PPP4R4: variants seen among roughly 807,000 people sequenced by gnomAD.
PPP4R4 encodes serine/threonine-protein phosphatase 4 regulatory subunit 4.
PPP4R4 carries 70 observed loss-of-function variants against 121.8 expected under a neutral mutation model. That is an observed-to-expected ratio of 0.57 (90% confidence interval 0.47 to 0.70). PPP4R4 has a LOEUF of 0.70. Ranked by LOEUF, PPP4R4 falls within the 30% of genes least tolerant of loss-of-function variation. The pLI is 0.00. For synonymous variants in PPP4R4, 348 were observed against 355.7 expected (o/e 0.98, Z 0.24); for missense variants, 875 against 1,033.6 (o/e 0.85, Z 2.10).
At chr14:94,184,038 G>A (rs1475603784) in intron 2 of PPP4R4, among the ~76,000 whole-genome samples, 1 of 152,052 alleles carries the variant, frequency 6.6e-6, no homozygotes, top group East Asian at 1.9e-4. Context: ...TTATTTTCAT[G>A]AGCAATTAAT....
At chr14:94,186,020 A>G (rs1289507823) in intron 2 of PPP4R4, among the ~76,000 whole-genome samples, 1 of 152,184 alleles carries the variant, frequency 6.6e-6, no homozygotes, top group African/African-American at 2.4e-5. Flanking sequence ...CCTGTTCTGG[A>G]ATCTAGCCAT....
chr14:94,206,012 A>G (rs530190362), intron 2 of PPP4R4, among the ~76,000 whole-genome samples: 43 of 152,088 alleles, frequency 2.8e-4, no homozygotes, highest in Admixed American at 1.6e-3. Context: ...GAGTTCTTCT[A>G]TATCTTTGCT....
At chr14:94,196,752 A>G (rs1190410181) in intron 2 of PPP4R4, among the ~76,000 whole-genome samples, 2 of 151,740 alleles carry the variant, frequency 1.3e-5, no homozygotes, top group South Asian at 2.1e-4. Flanking sequence ...CCTGAGTTCT[A>G]TCACTTCATT....
intron 9 of PPP4R4, 115 bp downstream of exon 9, chr14:94,240,910 A>T: frequency 3.2e-6 from 4 of 1,252,454 alleles, no homozygotes; most frequent in Non-Finnish European, 4.1e-6. Flanking sequence ...TTAAGTATAT[A>T]AAAATCTTAT....
chr14:94,174,668 AC>A (rs2139360648), intron 1 of PPP4R4, 86 bp downstream of exon 1: 1 of 1,401,678 alleles, frequency 7.1e-7, no homozygotes, highest in African/African-American at 1.9e-5. Context: ...CCACGCCACC[AC>A]CCTCCCCTCC....
intron 3 of PPP4R4, among the ~76,000 whole-genome samples, chr14:94,225,108 T>C (rs867043944): frequency 5.9e-5 from 9 of 152,264 alleles, no homozygotes; most frequent in Middle Eastern, 3.4e-3. Flanking sequence ...GTTAATCTCA[T>C]TCTAAGATTA....
At chr14:94,258,909 AG>A in intron 18 of PPP4R4, 85 bp downstream of exon 18, 1 of 1,260,604 alleles carries the variant, frequency 7.9e-7, no homozygotes. Context: ...AATTTACAAA[AG>A]AAAGAGGTTT....
intron 23 of PPP4R4, among the ~76,000 whole-genome samples, chr14:94,269,698 C>A (rs1894226974): frequency 6.6e-6 from 1 of 151,146 alleles, no homozygotes; most frequent in Non-Finnish European, 1.5e-5. Flanking sequence ...AACAAACAAA[C>A]AAAACTGTAA....
At position 94,257,378 on chromosome 14, in the gene PPP4R4, G is replaced by A. The variant is rs1467433458; in HGVS notation, c.2010+774G>A. 2.6e-5 allele frequency among the ~76,000 whole-genome samples: 4 copies of A among 152,000 alleles called. No homozygotes were observed. In the East Asian group the frequency reaches 5.8e-4, roughly 22 times the overall value. On this transcript the variant is annotated intron_variant, in intron 17 of 24. Transcript: ENST00000304338. ...CTGAATATAAACTTCAGGACACATT[G>A]TTTTTGAGCATTTATTTATAGTGAG...
At chr14:94,183,538 T>A (rs1218945267) in intron 2 of PPP4R4, among the ~76,000 whole-genome samples, 2 of 152,242 alleles carry the variant, frequency 1.3e-5, no homozygotes, top group East Asian at 1.9e-4. Flanking sequence ...CTCTGTTTCC[T>A]TGTCTTTTGT....
intron 2 of PPP4R4, among the ~76,000 whole-genome samples, chr14:94,186,268 G>GA (rs1405621612): frequency 6.6e-6 from 1 of 152,052 alleles, no homozygotes; most frequent in African/African-American, 2.4e-5. Context: ...TCCCTCCCGT[G>GA]AGCCCCTTCC....
At chr14:94,186,602 C>T (rs1366857694) in intron 2 of PPP4R4, among the ~76,000 whole-genome samples, 1 of 152,180 alleles carries the variant, frequency 6.6e-6, no homozygotes, top group Non-Finnish European at 1.5e-5. Flanking sequence ...TGCTTTCCTT[C>T]CTCTCTGGTA....
At chr14:94,222,888 CT>C (rs1408377108) in intron 3 of PPP4R4, among the ~76,000 whole-genome samples, 1 of 152,038 alleles carries the variant, frequency 6.6e-6, no homozygotes, top group East Asian at 1.9e-4. Flanking sequence ...TATATTAGAT[CT>C]TTTAATAGTA....
At chr14:94,216,856 G>A (rs996759695) in intron 3 of PPP4R4, among the ~76,000 whole-genome samples, 6 of 152,150 alleles carry the variant, frequency 3.9e-5, no homozygotes, top group African/African-American at 1.4e-4. Flanking sequence ...ACTTCTGGGA[G>A]AAAGGTGGGA....
At chr14:94,221,754 T>C (rs1891408018) in intron 3 of PPP4R4, among the ~76,000 whole-genome samples, 1 of 152,106 alleles carries the variant, frequency 6.6e-6, no homozygotes, top group Non-Finnish European at 1.5e-5. Flanking sequence ...CTTACACTGT[T>C]GGTGGGAATA....
chr14:94,215,761 A>G (rs1174984653), intron 3 of PPP4R4, among the ~76,000 whole-genome samples: 1 of 152,214 alleles, frequency 6.6e-6, no homozygotes, highest in Non-Finnish European at 1.5e-5. Context: ...CAGCTTAAAA[A>G]ATAAAGGTAC....
chr14:94,199,832 C>T (rs891950720), intron 2 of PPP4R4, among the ~76,000 whole-genome samples: 2 of 152,148 alleles, frequency 1.3e-5, no homozygotes, highest in Non-Finnish European at 2.9e-5. Context: ...CATCTAGCTG[C>T]GTGTGTTTTC....
chr14:94,194,059 GT>G (rs901057015), intron 2 of PPP4R4, among the ~76,000 whole-genome samples: 145 of 152,312 alleles, frequency 9.5e-4, no homozygotes, highest in African/African-American at 3.3e-3. Context: ...GAATACTTCA[GT>G]GGATTGACTT....
chr14:94,258,410 A>G (rs952079093), intron 17 of PPP4R4, among the ~76,000 whole-genome samples: 16 of 152,228 alleles, frequency 1.1e-4, no homozygotes, highest in Non-Finnish European at 1.8e-4. Context: ...GGCTTGTCTC[A>G]TTCATATATA....
Sources: allele counts gnomAD v4.1 joint callset (sites outside exome capture counted in the v4.1 genomes callset), GRCh38; gene constraint gnomAD v4.1.1; transcripts MANE v1.5; gene names NCBI Gene and HGNC (gene_info 2026-07-23, HGNC 2026-07-21).